HSPA12A: variants seen among roughly 807,000 people sequenced by gnomAD.
HSPA12A encodes heat shock 70 kDa protein 12A.
Under a neutral mutation model 69.2 loss-of-function variants are expected in HSPA12A, and 28 were observed. The ratio of observed to expected loss-of-function variants is 0.40; its 90% CI spans 0.30 to 0.55. HSPA12A has a LOEUF of 0.55. Ranked by LOEUF, HSPA12A falls within the 20% of genes least tolerant of loss-of-function variation. The pLI is 0.38. For synonymous variants in HSPA12A, 345 were observed against 370.5 expected, an observed-to-expected ratio of 0.93 and a Z score of 0.79; for missense variants, 686 against 900.7, an observed-to-expected ratio of 0.76 and a Z score of 3.05.
chr10:116,742,339 C>T (rs1190513365), intron 1 of HSPA12A, 91 bp downstream of exon 1: 4 of 1,288,308 alleles, frequency 3.1e-6, no homozygotes, highest in Non-Finnish European at 4.0e-6. Context: ...TTTTCCACGG[C>T]GCGCGAGGGG....
intron 2 of HSPA12A, among the ~76,000 whole-genome samples, chr10:116,810,908 G>A (rs905547547): frequency 7.3e-4 from 111 of 152,278 alleles, no homozygotes; most frequent in Non-Finnish European, 7.2e-4. Context: ...AGGGATTTAA[G>A]ACACATTCAT....
At chr10:116,819,550 G>A (rs1845371551) in intron 2 of HSPA12A, among the ~76,000 whole-genome samples, 2 of 152,168 alleles carry the variant, frequency 1.3e-5, no homozygotes, top group African/African-American at 4.8e-5. Flanking sequence ...CACCACCTAT[G>A]AGGAACGAGC....
At chr10:116,801,026 TG>T (rs1844944587) in intron 2 of HSPA12A, among the ~76,000 whole-genome samples, 1 of 152,224 alleles carries the variant, frequency 6.6e-6, no homozygotes, top group Non-Finnish European at 1.5e-5. Flanking sequence ...TGCAGAGGGA[TG>T]TGAATCACAG....
At position 116,717,109 on chromosome 10, in the gene HSPA12A, C is replaced by T. The variant is rs73377090; in HGVS notation, c.41-9824G>A. Among the ~76,000 whole-genome samples the T allele has an allele frequency of 9.9e-3, 1,513 of 152,278 alleles. 19 individuals are homozygous for T. Among genetic ancestry groups the T allele is most frequent in the African/African-American group, 0.035 (1,452 of 41,550 alleles). On this transcript the variant is annotated intron_variant, in intron 1 of 11. Transcript: ENST00000369209. ...CAGGTGTATCTCATGGGGACCTGCCCTGTAAGGAAGGTTGCTGTGAATTAC... is the reference window on the plus strand; with the variant it reads ...CAGGTGTATCTCATGGGGACCTGCCTTGTAAGGAAGGTTGCTGTGAATTAC...
chr10:116,846,257 T>G (rs561024542), intron 1 of HSPA12A, among the ~76,000 whole-genome samples: 1 of 152,306 alleles, frequency 6.6e-6, no homozygotes, highest in Admixed American at 6.5e-5. Context: ...TCCTAAAACT[T>G]TCTTCTTAAA....
At chr10:116,771,931 C>G (rs910300989) in intron 2 of HSPA12A, among the ~76,000 whole-genome samples, 1 of 152,224 alleles carries the variant, frequency 6.6e-6, no homozygotes, top group Non-Finnish European at 1.5e-5. Context: ...GCTGCTCCAG[C>G]AGCTGTGCTG....
intron 1 of HSPA12A, among the ~76,000 whole-genome samples, chr10:116,725,641 G>A (rs1238761909): frequency 3.3e-5 from 5 of 152,158 alleles, no homozygotes; most frequent in African/African-American, 1.2e-4. Flanking sequence ...AGCTTTGCTG[G>A]CAGAAGGAGT....
At chr10:116,816,830 GTTACAAAA>G (rs1291721147) in intron 2 of HSPA12A, among the ~76,000 whole-genome samples, 2 of 152,140 alleles carry the variant, frequency 1.3e-5, no homozygotes, top group Non-Finnish European at 2.9e-5. Flanking sequence ...TATGCTCTGG[GTTACAAAA>G]CGCTTCCAAC....
intron 8 of HSPA12A, 94 bp from the exon 9 acceptor site, chr10:116,681,350 C>T: frequency 1.1e-6 from 1 of 927,914 alleles, no homozygotes; most frequent in Non-Finnish European, 1.8e-6. Flanking sequence ...CAGCTAAGTG[C>T]CCTCAAAACT....
intron 6 of HSPA12A, among the ~76,000 whole-genome samples, chr10:116,690,758 G>A (rs1425155534): frequency 6.6e-6 from 1 of 151,858 alleles, no homozygotes; most frequent in Non-Finnish European, 1.5e-5. Context: ...AGCCAGCCCA[G>A]GGCTCAAACT....
At chr10:116,714,503 TG>T (rs1229099254) in intron 1 of HSPA12A, among the ~76,000 whole-genome samples, 1 of 152,166 alleles carries the variant, frequency 6.6e-6, no homozygotes, top group Non-Finnish European at 1.5e-5. Flanking sequence ...ACTACAGCCT[TG>T]GTCCAGATCC....
At chr10:116,761,515 C>A in intron 2 of HSPA12A, among the ~76,000 whole-genome samples, 1 of 151,180 alleles carries the variant, frequency 6.6e-6, no homozygotes, top group Non-Finnish European at 1.5e-5. Context: ...CAAAAATTAG[C>A]CAGGCTAACT....
chr10:116,728,471 A>G (rs1851048060), intron 1 of HSPA12A, among the ~76,000 whole-genome samples: 1 of 152,212 alleles, frequency 6.6e-6, no homozygotes, highest in African/African-American at 2.4e-5. Context: ...TTCAGATGGA[A>G]AAATTTAGCT....
chr10:116,812,683 C>A (rs1333620917), intron 2 of HSPA12A, among the ~76,000 whole-genome samples: 1 of 151,932 alleles, frequency 6.6e-6, no homozygotes, highest in Non-Finnish European at 1.5e-5. Flanking sequence ...ACAGCAGGGG[C>A]CCCTGGATGG....
chr10:116,799,935 A>T (rs192316455), intron 2 of HSPA12A, among the ~76,000 whole-genome samples: 27 of 152,332 alleles, frequency 1.8e-4, no homozygotes, highest in African/African-American at 6.5e-4. Context: ...TGCCATTTAC[A>T]TTCTAGCAGG....
rs534753059 is a variant in HSPA12A at position 116,675,625 on chromosome 10, C to T, written c.1391-207G>A. ...ACACCAATATGTTCCGGAATAAAAG[C>T]CAGAGCTGCTGCTAAGTAGAAATGC... On this transcript the variant is annotated intron_variant, in intron 11 of 11. Transcript: ENST00000369209. This position sits in a 1 kb window ranked among gnomAD's most constrained non-coding sequence, Gnocchi z 5.2. Among the ~76,000 whole-genome samples, 15 of 152,192 alleles carry T rather than the reference C, an allele frequency of 9.9e-5. No homozygotes were observed. Among genetic ancestry groups the T allele is most frequent in the Non-Finnish European group, 2.1e-4 (14 of 68,036 alleles).
At chr10:116,729,751 G>A (rs1325747555) in intron 1 of HSPA12A, among the ~76,000 whole-genome samples, 2 of 151,854 alleles carry the variant, frequency 1.3e-5, no homozygotes, top group African/African-American at 4.8e-5. Context: ...GTTGTTCAAG[G>A]GCCAACTGTA....
intron 2 of HSPA12A, among the ~76,000 whole-genome samples, chr10:116,797,600 G>C (rs1844857567): frequency 6.6e-6 from 1 of 152,316 alleles, no homozygotes; most frequent in Non-Finnish European, 1.5e-5. Context: ...ACGCTGTTCA[G>C]TAGAAGAAAC....
chr10:116,812,506 C>A (rs1233205049), intron 2 of HSPA12A, among the ~76,000 whole-genome samples: 2 of 151,954 alleles, frequency 1.3e-5, no homozygotes, highest in Non-Finnish European at 2.9e-5. Flanking sequence ...GGAACCCCCA[C>A]AACCATCAGG....
Sources: gnomAD v4.1 joint callset for allele counts (sites outside exome capture counted in the v4.1 genomes callset) on GRCh38, gnomAD v4.1.1 for gene constraint, Gnocchi (gnomAD v3.1) non-coding constraint, MANE v1.5 for transcripts, NCBI Gene and HGNC (gene_info 2026-07-23, HGNC 2026-07-21) for gene names.